Variants in RAC1 observed in about 807,000 individuals in gnomAD.
The protein encoded by RAC1 is ras-related C3 botulinum toxin substrate 1.
Under a neutral mutation model 25.2 loss-of-function variants are expected in RAC1, and 2 were observed. The ratio of observed to expected loss-of-function variants is 0.08; its 90% CI spans 0.03 to 0.25. The LOEUF (loss-of-function observed/expected upper bound fraction) is 0.25. RAC1 is among the 10% of genes least tolerant of loss of function. RAC1 has a pLI of 1.00. For synonymous variants in RAC1, 88 were observed against 94.0 expected (o/e 0.94, Z 0.37); for missense variants, 50 against 235.7 (o/e 0.21, Z 5.16).
At chr7:6,376,895 G>A (rs1015231547) in intron 1 of RAC1, among the ~76,000 whole-genome samples, 1 of 150,280 alleles carries the variant, frequency 6.7e-6, no homozygotes, top group Non-Finnish European at 1.5e-5. Context: ...GTGGACCTCT[G>A]CTGTTTGAAT....
chr7:6,377,121 C>T (rs1244519360), intron 1 of RAC1, among the ~76,000 whole-genome samples: 2 of 151,678 alleles, frequency 1.3e-5, no homozygotes, highest in African/African-American at 4.8e-5. Context: ...ATGCCAGGTA[C>T]TGTTATTGCG....
chr7:6,403,797 T>G lies in RAC1; in HGVS notation c.*1351T>G, dbSNP rs1457486431. 1 of 215,186 alleles carries G rather than the reference T, an allele frequency of 4.6e-6. No homozygotes were observed. 13.3% of individuals were successfully genotyped at this position (215,186 alleles called of 1,614,324 possible). ...TAAACTGTGCTAGTGCTGACGATGTTCTGTACAACTTAACTCACTGGCGAG... is the reference window on the plus strand; with the variant it reads ...TAAACTGTGCTAGTGCTGACGATGTGCTGTACAACTTAACTCACTGGCGAG... On this transcript the variant is annotated 3_prime_UTR_variant, in exon 6 of 6. Transcript: ENST00000348035.
chr7:6,376,913 TTTATC>T (rs1782621056), intron 1 of RAC1, among the ~76,000 whole-genome samples: 1 of 152,026 alleles, frequency 6.6e-6, no homozygotes, highest in Non-Finnish European at 1.5e-5. Context: ...AATTGGCTGT[TTTATC>T]TAGTCAAATA....
At chr7:6,384,115 A>T (rs933339380) in intron 1 of RAC1, among the ~76,000 whole-genome samples, 1 of 151,934 alleles carries the variant, frequency 6.6e-6, no homozygotes, top group Admixed American at 6.6e-5. Flanking sequence ...ATTTTTAAAA[A>T]GGTCCCTTAG....
chr7:6,378,616 C>T (rs553707359), intron 1 of RAC1, among the ~76,000 whole-genome samples: 1 of 152,002 alleles, frequency 6.6e-6, no homozygotes, highest in Admixed American at 6.6e-5. Flanking sequence ...TCCTGAATAG[C>T]AATTTAATTG....
chr7:6,386,084 A>G lies in RAC1; in HGVS notation c.36-1128A>G, dbSNP rs114785061. On this transcript the variant is annotated intron_variant, in intron 1 of 5. Transcript: ENST00000348035. ...CCACCACTCTTCTGCCTGGCGGCAC[A>G]CTGGTAATATTAGGATTAGTCTCTA... is the stretch of plus-strand genomic sequence containing the variant. Among the ~76,000 whole-genome samples, 383 of 152,330 alleles carry G rather than the reference A, an allele frequency of 2.5e-3. 2 individuals are homozygous for G. The highest frequency in any genetic ancestry group is 8.5e-3 in the African/African-American group (353 of 41,572).
intron 2 of RAC1, among the ~76,000 whole-genome samples, chr7:6,389,666 C>A (rs1783030926): frequency 6.6e-6 from 1 of 151,780 alleles, no homozygotes. Flanking sequence ...GGCAACAGAA[C>A]AAGACATTGT....
rs1248957202 is a variant in RAC1, at chr7:6,374,579, G to GGCTTCCAGTCC, written c.-154_-144dup. ...TGGGTGGTGGCCGCTGCCGGGCATC[G>GGCTTCCAGTCC]GCTTCCAGTCCGCGGAGGGCGAGGC... On this transcript the variant is annotated 5_prime_UTR_variant, in exon 1 of 6. Coordinates refer to ENST00000348035, the MANE Select transcript of RAC1 (RefSeq NM_006908.5). 1 of 273,104 alleles carries GGCTTCCAGTCC rather than the reference G, an allele frequency of 3.7e-6. No individual in the cohort carries two copies. The highest frequency in any genetic ancestry group is 5.9e-6 in the Non-Finnish European group (1 of 169,292). 16.9% of individuals were successfully genotyped at this position (273,104 alleles called of 1,614,324 possible).
intron 2 of RAC1, among the ~76,000 whole-genome samples, chr7:6,387,657 G>A (rs551544332): frequency 2.4e-4 from 37 of 152,072 alleles, no homozygotes; most frequent in Non-Finnish European, 2.9e-4. Flanking sequence ...CCGTGGAGGC[G>A]GAGGTTGCAG....
intron 1 of RAC1, among the ~76,000 whole-genome samples, chr7:6,379,400 G>C (rs190970003): frequency 6.7e-6 from 1 of 150,346 alleles, no homozygotes; most frequent in Non-Finnish European, 1.5e-5. Context: ...TCAGCTTGTC[G>C]AGTAGGTGGG....
At position 6,403,547 on chromosome 7, in the gene RAC1, C is replaced by T. The variant is rs958384191; in HGVS notation, c.*1101C>T. 4.6e-6 allele frequency: 1 copy of T among 218,872 alleles called. No individual in the cohort carries two copies. The highest frequency in any genetic ancestry group is 2.2e-5 in the African/African-American group (1 of 44,572). The allele number at this position is 218,872 out of a possible 1,614,324, so 13.6% of individuals were successfully genotyped here. ...TTATTCAGAGCTAATAAGTGCTTTC[C>T]TTAGTTTTCTAGTAACTAGGTGTAA... is the stretch of plus-strand genomic sequence containing the variant. On this transcript the variant is annotated 3_prime_UTR_variant, in exon 6 of 6. Transcript: ENST00000348035.
intron 1 of RAC1, among the ~76,000 whole-genome samples, chr7:6,383,058 G>A (rs551574398): frequency 1.6e-4 from 25 of 152,316 alleles, no homozygotes; most frequent in African/African-American, 4.3e-4. Flanking sequence ...ACTCATGTTC[G>A]TTTCCTAGAG....
chr7:6,387,062 G>GAT (rs1782943188), intron 1 of RAC1, 150 bp from the exon 2 acceptor site: 6 of 554,592 alleles, frequency 1.1e-5, no homozygotes, highest in Non-Finnish European at 3.1e-6. Context: ...TGTATGTGGT[G>GAT]ATAAAGGGTT....
chr7:6,385,698 C>G (rs926686435), intron 1 of RAC1, among the ~76,000 whole-genome samples: 1 of 152,190 alleles, frequency 6.6e-6, no homozygotes, highest in Non-Finnish European at 1.5e-5. Flanking sequence ...ATTGGCAAGA[C>G]TGGCTGGGCC....
intron 2 of RAC1, among the ~76,000 whole-genome samples, chr7:6,391,128 C>A (rs1783080350): frequency 6.6e-6 from 1 of 152,130 alleles, no homozygotes; most frequent in South Asian, 2.1e-4. Flanking sequence ...GAACTCTTGA[C>A]CTCAGGTGAT....
At chr7:6,382,281 C>T (rs986054332) in intron 1 of RAC1, among the ~76,000 whole-genome samples, 1 of 151,934 alleles carries the variant, frequency 6.6e-6, no homozygotes, top group Non-Finnish European at 1.5e-5. Context: ...AGAGCCACTG[C>T]GCCTGGCCAA....
At chr7:6,389,926 C>T (rs1036080282) in intron 2 of RAC1, among the ~76,000 whole-genome samples, 2 of 149,488 alleles carry the variant, frequency 1.3e-5, no homozygotes, top group African/African-American at 4.9e-5. Flanking sequence ...GGAACATTTC[C>T]TTCCTTCCTT....
intron 1 of RAC1, among the ~76,000 whole-genome samples, chr7:6,379,411 A>G (rs1300332165): frequency 6.6e-6 from 1 of 150,654 alleles, no homozygotes; most frequent in East Asian, 2.0e-4. Flanking sequence ...AGTAGGTGGG[A>G]TTACAGTCAC....
chr7:6,384,989 A>G (rs188338148), intron 1 of RAC1, among the ~76,000 whole-genome samples: 2 of 148,924 alleles, frequency 1.3e-5, no homozygotes, highest in East Asian at 2.1e-4. Context: ...TATTTTTAGT[A>G]GAGAACGGGT....
Sources: allele counts gnomAD v4.1 joint callset (sites outside exome capture counted in the v4.1 genomes callset), GRCh38; gene constraint gnomAD v4.1.1; transcripts MANE v1.5; gene names NCBI Gene and HGNC (gene_info 2026-07-23, HGNC 2026-07-21).